The following DHX9 variants were observed in gnomAD, a reference collection of about 807,000 sequenced individuals.
DHX9 encodes DExH-box helicase 9, also known as ATP-dependent RNA helicase A.
A neutral mutation model predicts 148.7 loss-of-function variants in DHX9; 27 were observed. The observed-to-expected ratio is 0.18, with a 90% CI of 0.13 to 0.25. The LOEUF is 0.25. Ranked by LOEUF, DHX9 falls within the 10% of genes least tolerant of loss-of-function variation. DHX9 has a pLI of 1.00. For synonymous variants in DHX9, 529 were observed against 516.6 expected, an observed-to-expected ratio of 1.02 and a Z score of -0.33; for missense variants, 796 against 1,559.6, an observed-to-expected ratio of 0.51 and a Z score of 8.25.
chr1:182,863,892 G>A (rs1648145302), intron 12 of DHX9, among the ~76,000 whole-genome samples: 3 of 152,060 alleles, frequency 2.0e-5, no homozygotes. Flanking sequence ...CAAAACCCAG[G>A]CCAGGCTTGG....
chr1:182,882,863 C>CA lies in DHX9; in HGVS notation c.2915-259dup, dbSNP rs796875709. On this transcript the variant is annotated intron_variant, in intron 24 of 27. Coordinates refer to ENST00000367549, the MANE Select transcript of DHX9 (RefSeq NM_001357.5). ...CTGGGCGACAGAGCGAGACTCGTCT[C>CA]AAAAAAAAAAAAAAAAAGTAATCAC... 5.7e-3 allele frequency among the ~76,000 whole-genome samples: 477 copies of CA among 83,728 alleles called. 1 individual carries two copies. Among genetic ancestry groups the CA allele is most frequent in the Non-Finnish European group, 7.6e-3 (275 of 36,144 alleles). The allele number at this position is 83,728 out of a possible 152,430, so 54.9% of individuals were successfully genotyped here. A position where few individuals can be genotyped will look rare whatever the true frequency, so the allele number is the denominator to read the frequency against.
At chr1:182,863,597 T>A (rs1412277950) in intron 12 of DHX9, among the ~76,000 whole-genome samples, 1 of 152,152 alleles carries the variant, frequency 6.6e-6, no homozygotes, top group Non-Finnish European at 1.5e-5. Flanking sequence ...AAAATAATTA[T>A]TGAAGCACAG....
At chr1:182,845,546 A>G (rs755058106) in intron 3 of DHX9, among the ~76,000 whole-genome samples, 21 of 152,136 alleles carry the variant, frequency 1.4e-4, no homozygotes, top group African/African-American at 3.6e-4. Context: ...CAAGCAAGCA[A>G]TCAGTTCTGC....
chr1:182,865,074 GAAAAGAAA>G (rs762863032), intron 12 of DHX9, among the ~76,000 whole-genome samples: 8 of 151,908 alleles, frequency 5.3e-5, no homozygotes, highest in African/African-American at 1.2e-4. Flanking sequence ...AGAAGTGTTA[GAAAAGAAA>G]AAAAGAAAAA....
At chr1:182,856,917 T>C (rs565895872) in intron 7 of DHX9, among the ~76,000 whole-genome samples, 2 of 152,022 alleles carry the variant, frequency 1.3e-5, no homozygotes, top group South Asian at 4.2e-4. Flanking sequence ...TGGTGTGATC[T>C]CGGCTCACTG....
intron 12 of DHX9, among the ~76,000 whole-genome samples, chr1:182,863,593 ATTAT>A (rs1409645344): frequency 3.9e-5 from 6 of 152,194 alleles, no homozygotes; most frequent in African/African-American, 1.4e-4. Context: ...ATATAAAATA[ATTAT>A]TGAAGCACAG....
At chr1:182,849,207 T>A (rs190247784) in intron 3 of DHX9, among the ~76,000 whole-genome samples, 5,002 of 152,096 alleles carry the variant, frequency 0.033, 193 homozygotes, top group African/African-American at 0.089. Flanking sequence ...GAGGATATTT[T>A]AAAATTTTTT....
At chr1:182,868,131 A>G (rs1018951659) in intron 14 of DHX9, among the ~76,000 whole-genome samples, 14 of 152,212 alleles carry the variant, frequency 9.2e-5, no homozygotes, top group African/African-American at 3.4e-4. Flanking sequence ...AAGGGGGTCA[A>G]AGACCAAAAT....
At chr1:182,862,855 G>GTTA (rs1443666921) in intron 12 of DHX9, among the ~76,000 whole-genome samples, 2 of 152,148 alleles carry the variant, frequency 1.3e-5, no homozygotes, top group Non-Finnish European at 2.9e-5. Flanking sequence ...TATAGAAAGT[G>GTTA]TTAGTTACCC....
chr1:182,843,998 G>A (rs1264323407), intron 3 of DHX9, among the ~76,000 whole-genome samples: 1 of 152,158 alleles, frequency 6.6e-6, no homozygotes, highest in African/African-American at 2.4e-5. Flanking sequence ...TTGCACTGTC[G>A]CCCAGGCTGG....
intron 24 of DHX9, among the ~76,000 whole-genome samples, chr1:182,882,638 A>C (rs531489158): frequency 6.6e-6 from 1 of 152,136 alleles, no homozygotes; most frequent in Admixed American, 6.5e-5. Flanking sequence ...AGGCCGAGTC[A>C]GGTGGATCAC....
intron 3 of DHX9, 143 bp from the exon 4 acceptor site, chr1:182,852,090 C>G: frequency 1.8e-6 from 1 of 558,268 alleles, no homozygotes; most frequent in Non-Finnish European, 3.2e-6. Context: ...ATGCACTGCT[C>G]TAGAGACTTA....
intron 21 of DHX9, 64 bp downstream of exon 21, chr1:182,879,474 G>A: frequency 7.5e-7 from 1 of 1,329,952 alleles, no homozygotes; most frequent in Non-Finnish European, 9.8e-7. Flanking sequence ...TGTTCTGGCA[G>A]ATAACACTTA....
intron 2 of DHX9, 65 bp from the exon 3 acceptor site, chr1:182,843,229 T>TA (rs1468275151): frequency 2.2e-6 from 3 of 1,360,672 alleles, no homozygotes; most frequent in Non-Finnish European, 2.9e-6. Flanking sequence ...ACTACTGAAT[T>TA]ACGACTTTTT....
chr1:182,878,229 CAG>C (rs768911601), intron 20 of DHX9, 56 bp downstream of exon 20: 22 of 1,583,454 alleles, frequency 1.4e-5, no homozygotes, highest in Non-Finnish European at 1.9e-5. Flanking sequence ...TCTGTAGGGA[CAG>C]ATGTGTGCAG....
At chr1:182,848,913 AACTC>A (rs766585141) in intron 3 of DHX9, among the ~76,000 whole-genome samples, 16 of 152,194 alleles carry the variant, frequency 1.1e-4, no homozygotes, top group African/African-American at 1.7e-4. Context: ...ATCTCATGAG[AACTC>A]ACTCACTGTT....
intron 24 of DHX9, among the ~76,000 whole-genome samples, chr1:182,882,147 A>AGT (rs1170408850): frequency 6.6e-6 from 1 of 152,234 alleles, no homozygotes; most frequent in Non-Finnish European, 1.5e-5. Flanking sequence ...AACTAAACAA[A>AGT]GTAGTGAGTG....
intron 20 of DHX9, among the ~76,000 whole-genome samples, chr1:182,878,531 A>G (rs979891963): frequency 6.6e-5 from 10 of 152,218 alleles, no homozygotes; most frequent in African/African-American, 2.2e-4. Context: ...TAGGGTTGGT[A>G]TAAGTATTAA....
intron 20 of DHX9, 97 bp downstream of exon 20, chr1:182,878,270 C>T: frequency 2.2e-6 from 3 of 1,360,062 alleles, no homozygotes; most frequent in Non-Finnish European, 3.0e-6. Context: ...ATAAGCTGAT[C>T]TAAGTCTTGC....
Sources: gnomAD v4.1 joint callset for allele counts (sites outside exome capture counted in the v4.1 genomes callset) on GRCh38, gnomAD v4.1.1 for gene constraint, MANE v1.5 for transcripts, NCBI Gene and HGNC (gene_info 2026-07-23, HGNC 2026-07-21) for gene names.